PRKAR2A: variants seen among roughly 807,000 people sequenced by gnomAD.
PRKAR2A encodes cAMP-dependent protein kinase type II-alpha regulatory subunit.
A neutral mutation model predicts 51.9 loss-of-function variants in PRKAR2A; 29 were observed. That is an observed-to-expected ratio of 0.56 (90% CI 0.42 to 0.76). PRKAR2A has a LOEUF of 0.76. Ranked by LOEUF, PRKAR2A falls within the 30% of genes least tolerant of loss-of-function variation. The probability of loss-of-function intolerance (pLI) is 0.00; values close to 1 mark genes in which losing one functional copy is unlikely to be tolerated. For synonymous variants in PRKAR2A, 178 were observed against 186.2 expected (o/e 0.96, Z 0.36); for missense variants, 445 against 512.1 (o/e 0.87, Z 1.26).
rs545375891 is a variant in PRKAR2A, at chr3:48,789,005, A to C, written c.435+1539T>G. ...AACACACCATTCCTAAGAAGCACTT[A>C]CTACACACTGTGGTAAGCCAGTGAG... is the stretch of plus-strand genomic sequence containing the variant. On this transcript the variant is annotated intron_variant, in intron 4 of 10. Transcript: ENST00000265563. Among the ~76,000 whole-genome samples the C allele has an allele frequency of 9.9e-5, 15 of 152,178 alleles. No homozygotes were observed. In the South Asian group the frequency reaches 1.3e-3, roughly 13 times the overall value.
intron 1 of PRKAR2A, among the ~76,000 whole-genome samples, chr3:48,838,303 G>C (rs543157090): frequency 6.6e-6 from 1 of 152,110 alleles, no homozygotes; most frequent in African/African-American, 2.4e-5. Flanking sequence ...GTGTTGGTGA[G>C]GTGATGACTA....
rs189595549 is a variant in PRKAR2A at position 48,795,457 on chromosome 3, T to C, written c.299-1408A>G. Among the ~76,000 whole-genome samples, 1,029 of 152,306 alleles carry C rather than the reference T, an allele frequency of 6.8e-3. 15 individuals carry two copies. The highest frequency in any genetic ancestry group is 0.023 in the African/African-American group (963 of 41,592). On this transcript the variant is annotated intron_variant, in intron 2 of 10. Transcript: ENST00000265563. ...TCAGATTCTAAGTAGCTTCTGAACATAGTAATCTGACCATCCACCCTCAGT... is the reference window on the plus strand; with the variant it reads ...TCAGATTCTAAGTAGCTTCTGAACACAGTAATCTGACCATCCACCCTCAGT...
intron 9 of PRKAR2A, among the ~76,000 whole-genome samples, chr3:48,753,293 G>GTT (rs145148583): frequency 5.5e-5 from 8 of 144,984 alleles, no homozygotes; most frequent in African/African-American, 1.5e-4. Context: ...ATATCTAGAG[G>GTT]TTTTTTTTTT....
intron 1 of PRKAR2A, among the ~76,000 whole-genome samples, chr3:48,816,546 G>A (rs1252891296): frequency 6.6e-6 from 1 of 152,138 alleles, no homozygotes; most frequent in East Asian, 1.9e-4. Context: ...GCTGAGGCAG[G>A]AGAATTGCTT....
rs533327463 is a variant in PRKAR2A at position 48,836,307 on chromosome 3, T to C, written c.262+11028A>G. On this transcript the variant is annotated intron_variant, in intron 1 of 10. Transcript: ENST00000265563. ...GGTGACGGGTACCTGTAATCCCAGC[T>C]ACTCGGGAAACTGAGGCAGGAGAAT... 3.3e-5 allele frequency among the ~76,000 whole-genome samples: 5 copies of C among 150,444 alleles called. No individual in the cohort carries two copies. The East Asian group carries it at 5.9e-4, about 18-fold the overall frequency.
Position 48,847,362 on chromosome 3 carries a change from C to T in PRKAR2A, c.235G>A (p.Glu79Lys). The change falls in exon 1 of 11, where the codon GAG becomes AAG. Residue 79 changes from glutamate to lysine, a missense_variant. Transcript: ENST00000265563. This position sits in a 1 kb window ranked among gnomAD's most constrained non-coding sequence, Gnocchi z 4.4. ...DRVADAKGDS[E>K]SEEDEDLEVP... Reference sequence around the variant, plus strand: ...TCCAAGTCCTCGTCCTCCTCCGACTCGCTGTCCCCTTTGGCGTCGGCGACA... The same window carrying T: ...TCCAAGTCCTCGTCCTCCTCCGACTTGCTGTCCCCTTTGGCGTCGGCGACA... 1.9e-6 allele frequency: 3 copies of T among 1,613,568 alleles called. No homozygotes were observed. The highest frequency in any genetic ancestry group is 1.1e-5 in the South Asian group (1 of 91,032).
rs1297857035 is a variant in PRKAR2A at position 48,776,842 on chromosome 3, AAAT to A, written c.543-3737_543-3735del. Among the ~76,000 whole-genome samples the A allele has an allele frequency of 5.9e-5, 9 of 152,324 alleles. No homozygotes were observed. In the East Asian group the frequency reaches 1.2e-3, roughly 20 times the overall value. On this transcript the variant is annotated intron_variant, in intron 5 of 10. Transcript: ENST00000265563. Reference sequence around the variant, plus strand: ...GGTGGCAGAGTGAGACTCTATCTCAAAATAATAATAACAGAATGCTATATTCCA... The same window carrying A: ...GGTGGCAGAGTGAGACTCTATCTCAAAATAATAACAGAATGCTATATTCCA...
Position 48,826,305 on chromosome 3 carries a change from T to A in PRKAR2A, c.263-18621A>T, listed in dbSNP as rs549272344. ...GGTTCCCATGACCCCTCTGGTTCAA[T>A]ATTCACTAGAACTCACAGAACTCAG... On this transcript the variant is annotated intron_variant, in intron 1 of 10. Transcript: ENST00000265563. Among the ~76,000 whole-genome samples, 12 of 152,266 alleles carry A rather than the reference T, an allele frequency of 7.9e-5. No homozygotes were observed. The South Asian group carries it at 2.3e-3, about 29-fold the overall frequency.
chr3:48,809,312 C>CA (rs2082731941), intron 1 of PRKAR2A, among the ~76,000 whole-genome samples: 1 of 151,746 alleles, frequency 6.6e-6, no homozygotes, highest in South Asian at 2.1e-4. Flanking sequence ...CAGTTTAGGC[C>CA]AAGTACGGTG....
chr3:48,833,878 A>C (rs981315086), intron 1 of PRKAR2A, among the ~76,000 whole-genome samples: 2 of 151,676 alleles, frequency 1.3e-5, no homozygotes, highest in African/African-American at 2.4e-5. Flanking sequence ...TCTACTAAAA[A>C]ATACAAAAAC....
chr3:48,789,488 C>T (rs999020268), intron 4 of PRKAR2A, among the ~76,000 whole-genome samples: 2 of 148,018 alleles, frequency 1.4e-5, no homozygotes, highest in African/African-American at 5.0e-5. Context: ...CATTCTTATT[C>T]TATTTTTTTT....
At chr3:48,745,191 T>TC (rs1311661358), downstream of PRKAR2A, among the ~76,000 whole-genome samples, 1,133 of 150,942 alleles carry the variant, frequency 7.5e-3, 7 homozygotes, top group Non-Finnish European at 0.012. Context: ...TTTTTTTTTT[T>TC]CAGACACCGT....
intron 1 of PRKAR2A, among the ~76,000 whole-genome samples, chr3:48,840,567 CTTTTTTTTTTTTTTT>C (rs760883553): frequency 4.3e-5 from 3 of 69,468 alleles, no homozygotes; most frequent in Admixed American, 2.3e-4. Context: ...TTGTTTTCAC[CTTTTTTTTTTTTTTT>C]TTTTTTTTTT....
chr3:48,791,366 G>A (rs1575884098), intron 3 of PRKAR2A, among the ~76,000 whole-genome samples: 1 of 150,266 alleles, frequency 6.7e-6, no homozygotes, highest in Admixed American at 6.7e-5. Flanking sequence ...GTAGGCTGAG[G>A]CAGGCGGATC....
chr3:48,806,667 C>T (rs2107357318), intron 2 of PRKAR2A, among the ~76,000 whole-genome samples: 1 of 151,954 alleles, frequency 6.6e-6, no homozygotes, highest in African/African-American at 2.4e-5. Context: ...AAAGTTTACC[C>T]AAACTTATTT....
intron 5 of PRKAR2A, among the ~76,000 whole-genome samples, chr3:48,780,602 CAA>C (rs568780150): frequency 2.8e-4 from 14 of 49,346 alleles, no homozygotes; most frequent in Non-Finnish European, 4.3e-4. Flanking sequence ...GACTCCGTCT[CAA>C]AAAAAAAAAA....
chr3:48,752,671 A>G (rs1421616508), intron 9 of PRKAR2A, among the ~76,000 whole-genome samples: 1 of 151,966 alleles, frequency 6.6e-6, no homozygotes, highest in Non-Finnish European at 1.5e-5. Context: ...CTTGAACAAC[A>G]TTTTACAGTG....
At chr3:48,804,728 G>A (rs1443498123) in intron 2 of PRKAR2A, among the ~76,000 whole-genome samples, 4 of 152,114 alleles carry the variant, frequency 2.6e-5, no homozygotes, top group East Asian at 1.9e-4. Flanking sequence ...CATTGGGAAT[G>A]AGTGGCTGAA....
chr3:48,803,336 A>G (rs1183250957), intron 2 of PRKAR2A, among the ~76,000 whole-genome samples: 1 of 152,140 alleles, frequency 6.6e-6, no homozygotes, highest in East Asian at 1.9e-4. Flanking sequence ...CCTAAGCCCA[A>G]GATTTCAAGG....
Sources: gnomAD v4.1 joint callset for allele counts (sites outside exome capture counted in the v4.1 genomes callset) on GRCh38, gnomAD v4.1.1 for gene constraint, Gnocchi (gnomAD v3.1) non-coding constraint, MANE v1.5 for transcripts, NCBI Gene and HGNC (gene_info 2026-07-23, HGNC 2026-07-21) for gene names.